Variants in METTL15 observed in about 807,000 individuals in gnomAD.
METTL15 encodes 12S rRNA N(4)-cytidine methyltransferase METTL15.
A neutral mutation model predicts 38.3 loss-of-function variants in METTL15; 34 were observed. The observed-to-expected ratio is 0.89, with a 90% CI of 0.68 to 1.18. The LOEUF (loss-of-function observed/expected upper bound fraction) is 1.18, where lower values mean the gene tolerates loss of function less well. Among genes scored for constraint, METTL15 ranks in the 50% most tolerant of loss-of-function variants. The pLI is 0.00. For missense variants in METTL15, 438 were observed against 498.4 expected (o/e 0.88, Z 1.15); for synonymous variants, 162 against 170.9 (o/e 0.95, Z 0.41).
downstream of METTL15, among the ~76,000 whole-genome samples, chr11:28,335,672 G>T (rs1849894677): frequency 1.3e-5 from 2 of 152,078 alleles, no homozygotes; most frequent in Admixed American, 6.6e-5. Context: ...TGTTTTTGCT[G>T]TATCAATTCC....
At chr11:28,210,925 T>C (rs1426236119) in intron 3 of METTL15, 137 bp from the exon 4 acceptor site, 4 of 900,596 alleles carry the variant, frequency 4.4e-6, no homozygotes, top group Non-Finnish European at 6.5e-6. Context: ...AATTCAACTA[T>C]AGGCACAACG....
intron 6 of METTL15, among the ~76,000 whole-genome samples, chr11:28,486,393 T>C (rs1198165447): frequency 6.9e-6 from 1 of 145,974 alleles, no homozygotes. Context: ...TGTTTTTTCC[T>C]TTTTTTTTTT....
intron 3 of METTL15, among the ~76,000 whole-genome samples, chr11:28,114,362 GT>G (rs1232813158): frequency 6.6e-6 from 1 of 151,996 alleles, no homozygotes; most frequent in Non-Finnish European, 1.5e-5. Flanking sequence ...GCCACATTTT[GT>G]TTATCCGTTA....
intron 5 of METTL15, among the ~76,000 whole-genome samples, chr11:28,377,971 G>A (rs1312407159): frequency 6.6e-6 from 1 of 152,114 alleles, no homozygotes; most frequent in South Asian, 2.1e-4. Context: ...GCTGCTCGGG[G>A]GTCAGGGGTC....
At chr11:28,440,406 C>G (rs1851024318) in intron 6 of METTL15, among the ~76,000 whole-genome samples, 1 of 151,986 alleles carries the variant, frequency 6.6e-6, no homozygotes, top group Non-Finnish European at 1.5e-5. Context: ...TCCTGAGTGG[C>G]ATTTTTGTCA....
intron 4 of METTL15, among the ~76,000 whole-genome samples, chr11:28,236,052 G>C (rs922370753): frequency 1.2e-3 from 184 of 152,120 alleles, no homozygotes; most frequent in African/African-American, 2.7e-3. Flanking sequence ...TTTTCTGCAT[G>C]TATTGAGATA....
chr11:28,500,274 C>T (rs773186529), intron 6 of METTL15, among the ~76,000 whole-genome samples: 12 of 152,258 alleles, frequency 7.9e-5, no homozygotes, highest in East Asian at 3.9e-4. Flanking sequence ...AGAGTGACTT[C>T]GATCAGCTTC....
chr11:28,184,175 GTCTA>G (rs1360518123), intron 3 of METTL15, among the ~76,000 whole-genome samples: 1 of 151,840 alleles, frequency 6.6e-6, no homozygotes, highest in African/African-American at 2.4e-5. Flanking sequence ...TTGCCTAGCG[GTCTA>G]TCTGTTTTGT....
At chr11:28,364,689 C>G (rs1190677018) in intron 5 of METTL15, among the ~76,000 whole-genome samples, 3 of 152,028 alleles carry the variant, frequency 2.0e-5, no homozygotes, top group African/African-American at 7.2e-5. Flanking sequence ...TGCCTGATTC[C>G]CCTGACTAGG....
intron 3 of METTL15, among the ~76,000 whole-genome samples, chr11:28,191,070 T>C (rs1244561473): frequency 6.6e-6 from 1 of 151,458 alleles, no homozygotes; most frequent in African/African-American, 2.4e-5. Flanking sequence ...ATGATTATTA[T>C]AAGGTTTGTA....
intron 3 of METTL15, among the ~76,000 whole-genome samples, chr11:28,123,026 C>T (rs994501422): frequency 2.0e-5 from 3 of 152,024 alleles, no homozygotes; most frequent in Non-Finnish European, 2.9e-5. Flanking sequence ...AAAAATCAGA[C>T]GTATGTACTG....
In METTL15 at chr11:28,179,331, TA is replaced by T. The variant is rs1243172913; in HGVS notation, c.271-31730del. ...TAACAGTTTTTTATTAAGTGAAGTCTAGAATGCATGTATAAAAATACAGACG... is the reference window on the plus strand; with the variant it reads ...TAACAGTTTTTTATTAAGTGAAGTCTGAATGCATGTATAAAAATACAGACG... On this transcript the variant is annotated intron_variant, in intron 3 of 6. Coordinates refer to ENST00000407364, the MANE Select transcript of METTL15 (RefSeq NM_001113528.2). 6.6e-5 allele frequency among the ~76,000 whole-genome samples: 10 copies of T among 151,974 alleles called. No individual in the cohort carries two copies. The South Asian group carries it at 2.1e-3, about 31-fold the overall frequency.
At chr11:28,382,268 G>C (rs1333620357) in intron 5 of METTL15, among the ~76,000 whole-genome samples, 1 of 152,122 alleles carries the variant, frequency 6.6e-6, no homozygotes, top group Non-Finnish European at 1.5e-5. Context: ...GCGTGTCTTT[G>C]GGCAAGTTAC....
At chr11:28,444,067 A>C (rs1226061798) in intron 6 of METTL15, among the ~76,000 whole-genome samples, 2 of 152,194 alleles carry the variant, frequency 1.3e-5, no homozygotes, top group Admixed American at 1.3e-4. Flanking sequence ...TTATCATTAC[A>C]TGGGGAGATA....
At chr11:28,403,815 A>G (rs1462112738) in intron 5 of METTL15, among the ~76,000 whole-genome samples, 1 of 151,998 alleles carries the variant, frequency 6.6e-6, no homozygotes, top group Non-Finnish European at 1.5e-5. Context: ...TCATTAGGAC[A>G]TTTTTCTTGC....
chr11:28,334,958 G>A (rs529873367), downstream of METTL15, among the ~76,000 whole-genome samples: 4 of 152,192 alleles, frequency 2.6e-5, no homozygotes, highest in South Asian at 8.3e-4. Flanking sequence ...TGCACAGCAG[G>A]AGATTGTGTC....
chr11:28,501,230 A>G (rs1851580494), intron 6 of METTL15, among the ~76,000 whole-genome samples: 2 of 152,214 alleles, frequency 1.3e-5, no homozygotes, highest in African/African-American at 4.8e-5. Context: ...TTAGAATTGA[A>G]TATCAGAGAG....
intron 3 of METTL15, among the ~76,000 whole-genome samples, chr11:28,209,570 A>G (rs938321267): frequency 6.6e-6 from 1 of 152,084 alleles, no homozygotes; most frequent in Non-Finnish European, 1.5e-5. Flanking sequence ...TTGTGTTAAA[A>G]AGCATTGCTT....
At chr11:28,241,459 G>A (rs868276215) in intron 4 of METTL15, among the ~76,000 whole-genome samples, 6 of 151,824 alleles carry the variant, frequency 4.0e-5, no homozygotes, top group East Asian at 1.9e-4. Flanking sequence ...GCGTGAACCC[G>A]GGAGGCGGAG....
Sources: allele counts gnomAD v4.1 joint callset (sites outside exome capture counted in the v4.1 genomes callset), GRCh38; gene constraint gnomAD v4.1.1; transcripts MANE v1.5; gene names NCBI Gene and HGNC (gene_info 2026-07-23, HGNC 2026-07-21).